Variants in RBFOX1 observed in about 807,000 individuals in gnomAD.
The protein encoded by RBFOX1 is RNA binding protein fox-1 homolog 1.
Under a neutral mutation model 57.7 loss-of-function variants are expected in RBFOX1, and 8 were observed. That is an observed-to-expected ratio of 0.14 (90% CI 0.08 to 0.25). RBFOX1 has a LOEUF of 0.25. RBFOX1 is among the 10% of genes least tolerant of loss of function. The pLI is 1.00. For missense variants in RBFOX1, 611 were observed against 548.5 expected (o/e 1.11, Z -1.14); for synonymous variants, 326 against 222.4 (o/e 1.47, Z -4.15).
intron 4 of RBFOX1, among the ~76,000 whole-genome samples, chr16:7,187,907 A>G (rs753847453): frequency 5.9e-5 from 9 of 152,146 alleles, no homozygotes; most frequent in Non-Finnish European, 1.2e-4. Flanking sequence ...CAAGTGAACA[A>G]AGTGGTTTCC....
At chr16:5,268,327 G>T (rs117307205) in intron 1 of RBFOX1, among the ~76,000 whole-genome samples, 1,841 of 152,286 alleles carry the variant, frequency 0.012, 20 homozygotes, top group Middle Eastern at 0.085. Context: ...TCTTTCGTTT[G>T]AGAGATTCCT....
intron 4 of RBFOX1, among the ~76,000 whole-genome samples, chr16:7,158,743 T>A (rs540068602): frequency 3.9e-5 from 6 of 151,998 alleles, no homozygotes; most frequent in African/African-American, 1.4e-4. Flanking sequence ...GTGTGTTGTT[T>A]CTGGGTGGTG....
intron 13 of RBFOX1, among the ~76,000 whole-genome samples, chr16:7,665,584 T>A (rs1237459180): frequency 6.6e-5 from 10 of 152,196 alleles, no homozygotes; most frequent in Non-Finnish European, 1.5e-4. Context: ...TTTAAGTTTA[T>A]TTTTAGAAAA....
chr16:5,726,454 C>G (rs1478805400), intron 3 of RBFOX1, among the ~76,000 whole-genome samples: 1 of 152,294 alleles, frequency 6.6e-6, no homozygotes, highest in African/African-American at 2.4e-5. Flanking sequence ...CACCAGCAAG[C>G]CAGGACCTTC....
At chr16:5,756,641 C>T (rs548442285) in intron 3 of RBFOX1, among the ~76,000 whole-genome samples, 1 of 152,296 alleles carries the variant, frequency 6.6e-6, no homozygotes, top group African/African-American at 2.4e-5. Flanking sequence ...TGCTGCCTGC[C>T]TTTCCAGCCA....
intron 4 of RBFOX1, among the ~76,000 whole-genome samples, chr16:5,904,902 G>T (rs1240021051): frequency 6.7e-6 from 1 of 148,958 alleles, no homozygotes; most frequent in South Asian, 2.2e-4. Context: ...GCGTGAACCC[G>T]GGAGGCGGAG....
At chr16:5,564,807 C>T (rs557418836) in intron 2 of RBFOX1, among the ~76,000 whole-genome samples, 3 of 152,242 alleles carry the variant, frequency 2.0e-5, no homozygotes, top group East Asian at 1.9e-4. Context: ...CCAGTTTTCA[C>T]GGTTCTCCAG....
At chr16:5,709,956 G>T (rs2051423634) in intron 3 of RBFOX1, among the ~76,000 whole-genome samples, 1 of 144,622 alleles carries the variant, frequency 6.9e-6, no homozygotes. Flanking sequence ...CCTGAGAGAT[G>T]AGGATATCTA....
intron 4 of RBFOX1, among the ~76,000 whole-genome samples, chr16:7,213,025 C>G (rs1052172400): frequency 6.6e-6 from 1 of 151,954 alleles, no homozygotes; most frequent in Admixed American, 6.6e-5. Flanking sequence ...TTGTGCCTAC[C>G]CTTGCTTTTA....
At chr16:6,046,558 A>G (rs1465693703) in intron 1 of RBFOX1, among the ~76,000 whole-genome samples, 3 of 152,164 alleles carry the variant, frequency 2.0e-5, no homozygotes, top group African/African-American at 7.2e-5. Flanking sequence ...CATATTAAAC[A>G]TTACCGTATT....
chr16:6,956,204 C>G lies in RBFOX1; in HGVS notation c.-15-95853C>G, dbSNP rs79122790. Among the ~76,000 whole-genome samples the G allele has an allele frequency of 2.1e-3, 322 of 152,258 alleles. 2 individuals are homozygous for G. Among genetic ancestry groups the G allele is most frequent in the African/African-American group, 7.6e-3 (315 of 41,546 alleles). On this transcript the variant is annotated intron_variant, in intron 3 of 15. Transcript: ENST00000550418. Reference sequence around the variant, plus strand: ...GATGAGAATGGAGATGGGAGTACCACACAGGAGATCGTGCAGAGAGGCAGA... The same window carrying G: ...GATGAGAATGGAGATGGGAGTACCAGACAGGAGATCGTGCAGAGAGGCAGA...
intron 3 of RBFOX1, among the ~76,000 whole-genome samples, chr16:6,680,209 A>G (rs1324649233): frequency 6.6e-6 from 1 of 151,604 alleles, no homozygotes; most frequent in Non-Finnish European, 1.5e-5. Flanking sequence ...TATATTCAGT[A>G]AGTGGTCGAA....
At chr16:6,883,134 A>T (rs1244446620) in intron 3 of RBFOX1, among the ~76,000 whole-genome samples, 2 of 152,200 alleles carry the variant, frequency 1.3e-5, no homozygotes, top group Non-Finnish European at 2.9e-5. Flanking sequence ...GCAGATCATT[A>T]AGGCAGAGGT....
chr16:5,567,952 G>C (rs985158738), intron 2 of RBFOX1, among the ~76,000 whole-genome samples: 1 of 152,222 alleles, frequency 6.6e-6, no homozygotes, highest in South Asian at 2.1e-4. Context: ...TAGTGGGGCA[G>C]AGGGGCTGGG....
chr16:7,567,487 C>A (rs1471071766), intron 5 of RBFOX1, among the ~76,000 whole-genome samples: 1 of 21,594 alleles, frequency 4.6e-5, no homozygotes, highest in Admixed American at 4.4e-4. Context: ...ATGTATGGCC[C>A]TATATGTATA....
chr16:7,389,554 T>C (rs141405176), intron 4 of RBFOX1, among the ~76,000 whole-genome samples: 25 of 152,296 alleles, frequency 1.6e-4, no homozygotes, highest in African/African-American at 5.1e-4. Context: ...CTCTGGAAGA[T>C]CCTTACAGAA....
chr16:6,922,618 A>C (rs1000053717), intron 3 of RBFOX1, among the ~76,000 whole-genome samples: 1 of 152,046 alleles, frequency 6.6e-6, no homozygotes, highest in Admixed American at 6.6e-5. Flanking sequence ...TTACTTGCTG[A>C]CTGTTGAATG....
At chr16:6,658,565 T>G (rs773811503) in intron 3 of RBFOX1, among the ~76,000 whole-genome samples, 7 of 152,194 alleles carry the variant, frequency 4.6e-5, no homozygotes, top group Non-Finnish European at 8.8e-5. Context: ...GCGCACAGTC[T>G]GGGCTCGATC....
intron 3 of RBFOX1, among the ~76,000 whole-genome samples, chr16:6,983,151 C>T (rs557274285): frequency 6.6e-6 from 1 of 152,130 alleles, no homozygotes; most frequent in South Asian, 2.1e-4. Flanking sequence ...TGACAGCTTC[C>T]TAGCAGGGAT....
Sources: allele counts gnomAD v4.1 joint callset (sites outside exome capture counted in the v4.1 genomes callset), GRCh38; gene constraint gnomAD v4.1.1; transcripts MANE v1.5; gene names NCBI Gene and HGNC (gene_info 2026-07-23, HGNC 2026-07-21).